NRG3: variants seen among roughly 807,000 people sequenced by gnomAD.
NRG3 encodes the protein pro-neuregulin-3, membrane-bound isoform.
NRG3 carries 31 observed loss-of-function variants against 66.9 expected under a neutral mutation model. The ratio of observed to expected loss-of-function variants is 0.46; its 90% CI spans 0.35 to 0.63. The LOEUF (loss-of-function observed/expected upper bound fraction) is 0.63. Ranked by LOEUF, NRG3 falls within the 20% of genes least tolerant of loss-of-function variation. The pLI, the probability that NRG3 is intolerant of heterozygous loss-of-function variation, is 0.00. For missense variants in NRG3, 910 were observed against 878.9 expected, an observed-to-expected ratio of 1.04 and a Z score of -0.45; for synonymous variants, 393 against 359.4, an observed-to-expected ratio of 1.09 and a Z score of -1.06.
chr10:82,650,182 T>C (rs2051298904), intron 2 of NRG3, among the ~76,000 whole-genome samples: 1 of 152,194 alleles, frequency 6.6e-6, no homozygotes, highest in Non-Finnish European at 1.5e-5. Flanking sequence ...TGTCATGATA[T>C]GTATATGTAT....
chr10:82,329,974 G>A (rs2082062435), intron 1 of NRG3, among the ~76,000 whole-genome samples: 1 of 152,104 alleles, frequency 6.6e-6, no homozygotes, highest in African/African-American at 2.4e-5. Context: ...TCTGCCTGAG[G>A]TAGGAATTTC....
chr10:82,567,030 C>T (rs1013514396), intron 2 of NRG3, among the ~76,000 whole-genome samples: 1 of 151,920 alleles, frequency 6.6e-6, no homozygotes, highest in Admixed American at 6.6e-5. Context: ...CTGAAGGATC[C>T]ACGCTGTTTT....
At chr10:82,897,479 T>G (rs17101033) in intron 4 of NRG3, among the ~76,000 whole-genome samples, 3,543 of 152,284 alleles carry the variant, frequency 0.023, 146 homozygotes, top group African/African-American at 0.08. Context: ...GATCTTGATT[T>G]CTTGAATGCA....
intron 3 of NRG3, among the ~76,000 whole-genome samples, chr10:82,800,927 C>T (rs758201103): frequency 3.9e-5 from 6 of 152,068 alleles, no homozygotes; most frequent in Non-Finnish European, 8.8e-5. Context: ...ACTGAAGTAT[C>T]CTAAGACTGC....
At position 82,119,622 on chromosome 10, in the gene NRG3, T is replaced by A. The variant is rs147859533; in HGVS notation, c.824-239117T>A. 8.7e-3 allele frequency among the ~76,000 whole-genome samples: 1,329 copies of A among 152,204 alleles called. 4 individuals are homozygous for A. The highest frequency in any genetic ancestry group is 0.013 in the Non-Finnish European group (910 of 67,982). Reference sequence around the variant, plus strand: ...CACTACCTAGAAACCCTAAATAAATTAAGTTCTAAACTTATGAGATTTTTG... The same window carrying A: ...CACTACCTAGAAACCCTAAATAAATAAAGTTCTAAACTTATGAGATTTTTG... On this transcript the variant is annotated intron_variant, in intron 1 of 8. Coordinates refer to ENST00000372141, the MANE Select transcript of NRG3 (RefSeq NM_001010848.4).
intron 2 of NRG3, among the ~76,000 whole-genome samples, chr10:82,574,673 TA>T (rs2045932310): frequency 6.6e-6 from 1 of 151,656 alleles, no homozygotes; most frequent in East Asian, 1.9e-4. Context: ...ATGTATCAAT[TA>T]AAAAAGAAAA....
intron 1 of NRG3, among the ~76,000 whole-genome samples, chr10:82,296,478 G>A (rs1227994822): frequency 6.6e-6 from 1 of 152,110 alleles, no homozygotes; most frequent in Non-Finnish European, 1.5e-5. Flanking sequence ...CAGGTGACAC[G>A]AGTTTTTATT....
At chr10:82,297,737 A>C (rs2080154899) in intron 1 of NRG3, among the ~76,000 whole-genome samples, 1 of 152,134 alleles carries the variant, frequency 6.6e-6, no homozygotes, top group Non-Finnish European at 1.5e-5. Flanking sequence ...TTTATATATT[A>C]AGTATACATA....
intron 1 of NRG3, among the ~76,000 whole-genome samples, chr10:82,014,008 C>A (rs1029264503): frequency 6.6e-6 from 1 of 152,210 alleles, no homozygotes; most frequent in African/African-American, 2.4e-5. Context: ...AGAGTAGAAG[C>A]GTTTGGGAGA....
At chr10:82,299,021 G>A (rs2080238016) in intron 1 of NRG3, among the ~76,000 whole-genome samples, 1 of 152,078 alleles carries the variant, frequency 6.6e-6, no homozygotes, top group South Asian at 2.1e-4. Flanking sequence ...AGGCTTCCAT[G>A]GTTTTCTGAC....
In NRG3 at chr10:82,048,293, T is replaced by C. The variant is rs61864593; in HGVS notation, c.823+172130T>C. 7.3e-3 allele frequency among the ~76,000 whole-genome samples: 1,100 copies of C among 151,562 alleles called. 6 individuals are homozygous for C. The highest frequency in any genetic ancestry group is 0.012 in the Non-Finnish European group (838 of 67,628). ...CTCTCCACCCCAAATCAACAGAATATACATTTTTTTCAGCACCACACCACA... is the reference window on the plus strand; with the variant it reads ...CTCTCCACCCCAAATCAACAGAATACACATTTTTTTCAGCACCACACCACA... On this transcript the variant is annotated intron_variant, in intron 1 of 8. Coordinates refer to ENST00000372141, the MANE Select transcript of NRG3 (RefSeq NM_001010848.4).
chr10:82,494,914 T>C (rs1168803531), intron 2 of NRG3, among the ~76,000 whole-genome samples: 1 of 152,030 alleles, frequency 6.6e-6, no homozygotes, highest in Non-Finnish European at 1.5e-5. Context: ...GACACCGTGA[T>C]AGGCTGATCC....
At chr10:82,105,926 G>A (rs1223242085) in intron 1 of NRG3, among the ~76,000 whole-genome samples, 2 of 152,086 alleles carry the variant, frequency 1.3e-5, no homozygotes, top group Non-Finnish European at 2.9e-5. Flanking sequence ...CATATTTAAT[G>A]GCTTTTCAGT....
At chr10:82,800,191 G>C (rs912736752) in intron 3 of NRG3, among the ~76,000 whole-genome samples, 1 of 152,146 alleles carries the variant, frequency 6.6e-6, no homozygotes, top group Non-Finnish European at 1.5e-5. Flanking sequence ...AACTATATTT[G>C]CTAGCTATCT....
intron 2 of NRG3, among the ~76,000 whole-genome samples, chr10:82,588,264 A>T (rs750785567): frequency 2.0e-5 from 3 of 152,082 alleles, no homozygotes; most frequent in Non-Finnish European, 4.4e-5. Flanking sequence ...GATCATAGGG[A>T]GCACCATCCT....
intron 1 of NRG3, among the ~76,000 whole-genome samples, chr10:82,194,052 G>A (rs1198627669): frequency 1.3e-5 from 2 of 152,140 alleles, no homozygotes; most frequent in African/African-American, 4.8e-5. Context: ...AACCACTCCA[G>A]CCAAGAGAAC....
chr10:81,903,569 T>C (rs1844281447), intron 1 of NRG3, among the ~76,000 whole-genome samples: 1 of 152,174 alleles, frequency 6.6e-6, no homozygotes, highest in Admixed American at 6.5e-5. Context: ...GTGCTTAATA[T>C]TGGTTGAAAA....
intron 1 of NRG3, among the ~76,000 whole-genome samples, chr10:82,123,493 C>T (rs1011235700): frequency 6.6e-6 from 1 of 152,114 alleles, no homozygotes; most frequent in Non-Finnish European, 1.5e-5. Context: ...TACTGTTTGG[C>T]AAACTAGACA....
At position 82,739,267 on chromosome 10, in the gene NRG3, G is replaced by A. The variant is rs143090918; in HGVS notation, c.1027+617G>A. On this transcript the variant is annotated intron_variant, in intron 3 of 8. Coordinates refer to ENST00000372141, the MANE Select transcript of NRG3 (RefSeq NM_001010848.4). The stretch of plus-strand genomic sequence containing the variant: ...TTAGTTTGTTTGTATGGTAGTAAAA[G>A]TAACCTTTTATGCTTAAATGCCCAA... Among the ~76,000 whole-genome samples, 84 of 152,294 alleles carry A rather than the reference G, an allele frequency of 5.5e-4. 1 individual carries two copies. The East Asian group carries it at 0.01, about 19-fold the overall frequency.
Sources: allele counts gnomAD v4.1 joint callset (sites outside exome capture counted in the v4.1 genomes callset), GRCh38; gene constraint gnomAD v4.1.1; transcripts MANE v1.5; gene names NCBI Gene and HGNC (gene_info 2026-07-23, HGNC 2026-07-21).